Variants in AATF observed in about 807,000 individuals in gnomAD.
The protein encoded by AATF is apoptosis antagonizing transcription factor.
AATF carries 48 observed loss-of-function variants against 63.7 expected under a neutral mutation model. The ratio of observed to expected loss-of-function variants is 0.75; its 90% CI spans 0.60 to 0.96. The LOEUF (loss-of-function observed/expected upper bound fraction) is 0.96, where lower values mean the gene tolerates loss of function less well. Ranked by LOEUF, AATF falls within the 40% of genes least tolerant of loss-of-function variation. The pLI, the probability that AATF is intolerant of heterozygous loss-of-function variation, is 0.00. For synonymous variants in AATF, 258 were observed against 247.7 expected, an observed-to-expected ratio of 1.04 and a Z score of -0.39; for missense variants, 639 against 685.7, an observed-to-expected ratio of 0.93 and a Z score of 0.76.
At chr17:36,993,793 C>T (rs2071233432) in intron 8 of AATF, among the ~76,000 whole-genome samples, 2 of 151,958 alleles carry the variant, frequency 1.3e-5, no homozygotes, top group African/African-American at 4.8e-5. Context: ...TTTTAATGTT[C>T]CATTGTAAGG....
chr17:37,004,334 A>C (rs1408060004), intron 8 of AATF, among the ~76,000 whole-genome samples: 1 of 152,166 alleles, frequency 6.6e-6, no homozygotes. Context: ...TCTGAAAAAA[A>C]AGAGAGAGAG....
chr17:37,044,770 G>A (rs1180410911), intron 11 of AATF, among the ~76,000 whole-genome samples: 1 of 152,156 alleles, frequency 6.6e-6, no homozygotes, highest in Non-Finnish European at 1.5e-5. Context: ...TCTGAAATCT[G>A]AAGTGCTCCA....
At position 37,056,168 on chromosome 17, in the gene AATF, G is replaced by A. The variant is rs143713838; in HGVS notation, c.1620-433G>A. ...TGCACAGATGATAGTAATTGGAATC[G>A]TGTTGCTGGCTCATTTTCATTGTTT... On this transcript the variant is annotated intron_variant, in intron 11 of 11. Coordinates refer to ENST00000619387, the MANE Select transcript of AATF (RefSeq NM_012138.4). 2.7e-3 allele frequency: 436 copies of A among 160,722 alleles called. 1 individual carries two copies. The highest frequency in any genetic ancestry group is 1.0e-2 in the African/African-American group (416 of 41,718). The allele number at this position is 160,722 out of a possible 1,614,324, so 10.0% of individuals were successfully genotyped here.
intron 4 of AATF, among the ~76,000 whole-genome samples, chr17:36,954,129 G>A (rs545602002): frequency 2.0e-5 from 3 of 147,766 alleles, no homozygotes; most frequent in Admixed American, 6.9e-5. Context: ...GTACAGTGGC[G>A]CGATCACAGG....
rs2070843741 is a variant in AATF at position 36,950,307 on chromosome 17, C to A, written c.185C>A (p.Ala62Asp). ...GGTAGCATTAGAAAACTGGCATCAG[C>A]CTCCCTCTTGGACACGGACAAAAGG... The part of the protein sequence containing the change: ...VVGSIRKLAS[A>D]SLLDTDKRYC... Residue 62 changes from alanine to aspartate, a missense_variant, in exon 2 of 12, where the codon GCC (alanine) becomes GAC (aspartate). Coordinates refer to ENST00000619387, the MANE Select transcript of AATF (RefSeq NM_012138.4). 1.9e-6 allele frequency: 3 copies of A among 1,614,174 alleles called. No individual in the cohort carries two copies. Among genetic ancestry groups the A allele is most frequent in the Non-Finnish European group, 2.5e-6 (3 of 1,180,024 alleles).
At chr17:36,988,033 C>T (rs1597714315) in intron 5 of AATF, among the ~76,000 whole-genome samples, 1 of 152,148 alleles carries the variant, frequency 6.6e-6, no homozygotes, top group Non-Finnish European at 1.5e-5. Flanking sequence ...TTACATGAGG[C>T]TGGGTGTGGT....
At chr17:37,031,197 G>A (rs1001373276) in intron 10 of AATF, among the ~76,000 whole-genome samples, 1 of 151,928 alleles carries the variant, frequency 6.6e-6, no homozygotes, top group African/African-American at 2.4e-5. Flanking sequence ...GTCTGTACCT[G>A]TGAACAAGTG....
At chr17:37,010,445 G>A (rs1264007995) in intron 8 of AATF, among the ~76,000 whole-genome samples, 1 of 152,058 alleles carries the variant, frequency 6.6e-6, no homozygotes, top group Non-Finnish European at 1.5e-5. Context: ...GCGACAGAGC[G>A]AGACTCCATC....
intron 8 of AATF, among the ~76,000 whole-genome samples, chr17:37,001,416 G>GA (rs2071295175): frequency 9.6e-6 from 1 of 103,884 alleles, no homozygotes; most frequent in South Asian, 3.2e-4. Context: ...AGGAAGGAAG[G>GA]AAGGAAGGAA....
At chr17:37,010,060 A>G (rs1190306081) in intron 8 of AATF, among the ~76,000 whole-genome samples, 2 of 152,112 alleles carry the variant, frequency 1.3e-5, no homozygotes, top group Non-Finnish European at 2.9e-5. Flanking sequence ...GAGCCAGGTT[A>G]TTGTATATTG....
intron 5 of AATF, 108 bp downstream of exon 5, chr17:36,986,839 A>G (rs1172481759): frequency 2.3e-6 from 2 of 883,988 alleles, no homozygotes; most frequent in East Asian, 5.1e-5. Context: ...TAATGTTAGT[A>G]AAATAGAGTC....
At chr17:37,038,585 A>T (rs1354745588) in intron 11 of AATF, among the ~76,000 whole-genome samples, 1 of 152,212 alleles carries the variant, frequency 6.6e-6, no homozygotes, top group Admixed American at 6.5e-5. Flanking sequence ...ACTGTCAGTT[A>T]AAAGTGTAGG....
chr17:37,018,358 C>T (rs1032523927), intron 8 of AATF, among the ~76,000 whole-genome samples: 8 of 152,130 alleles, frequency 5.3e-5, no homozygotes, highest in African/African-American at 1.7e-4. Flanking sequence ...GAGACTAATC[C>T]TCTGTGGTAT....
chr17:37,041,371 T>C (rs905788603), intron 11 of AATF, among the ~76,000 whole-genome samples: 1 of 152,236 alleles, frequency 6.6e-6, no homozygotes, highest in Admixed American at 6.5e-5. Context: ...TTTTGCTGTG[T>C]CTTTAGAATA....
At chr17:37,031,508 G>T (rs537834557) in intron 10 of AATF, 106 bp from the exon 11 acceptor site, 5 of 940,546 alleles carry the variant, frequency 5.3e-6, no homozygotes, top group African/African-American at 4.8e-5. Context: ...TTTGTACCCA[G>T]ATGTTCCAGT....
At chr17:36,987,694 A>G (rs892662936) in intron 5 of AATF, among the ~76,000 whole-genome samples, 4 of 152,226 alleles carry the variant, frequency 2.6e-5, no homozygotes, top group Admixed American at 2.0e-4. Context: ...TGGCAGTTGC[A>G]TAGATGGCAC....
At chr17:36,950,139 A>G in intron 1 of AATF, 75 bp from the exon 2 acceptor site, 2 of 1,512,386 alleles carry the variant, frequency 1.3e-6, no homozygotes, top group South Asian at 1.2e-5. Flanking sequence ...TATGAGATAA[A>G]TGGGTCGACC....
chr17:37,017,640 C>T (rs923507041), intron 8 of AATF, among the ~76,000 whole-genome samples: 2 of 152,194 alleles, frequency 1.3e-5, no homozygotes, highest in African/African-American at 2.4e-5. Context: ...ATAAAACCAG[C>T]GGCTTCTGGT....
intron 11 of AATF, among the ~76,000 whole-genome samples, chr17:37,043,664 T>C (rs1418077357): frequency 2.6e-5 from 4 of 152,228 alleles, no homozygotes; most frequent in African/African-American, 9.6e-5. Context: ...ATTTCAATTG[T>C]AGTATTTGCA....
Sources: gnomAD v4.1 joint callset for allele counts (sites outside exome capture counted in the v4.1 genomes callset) on GRCh38, gnomAD v4.1.1 for gene constraint, MANE v1.5 for transcripts, NCBI Gene and HGNC (gene_info 2026-07-23, HGNC 2026-07-21) for gene names.